Variants in ADAM11 observed in about 807,000 individuals in gnomAD.
The protein encoded by ADAM11 is disintegrin and metalloproteinase domain-containing protein 11.
In ADAM11, 49 loss-of-function variants were observed where a neutral mutation model predicts 119.1. The ratio of observed to expected loss-of-function variants is 0.41; its 90% CI spans 0.33 to 0.52. The LOEUF (loss-of-function observed/expected upper bound fraction) is 0.52. ADAM11 is among the 20% of genes least tolerant of loss of function. The pLI is 0.20. For synonymous variants in ADAM11, 364 were observed against 408.0 expected (o/e 0.89, Z 1.30); for missense variants, 777 against 1,047.5 (o/e 0.74, Z 3.56).
intron 2 of ADAM11, among the ~76,000 whole-genome samples, chr17:44,761,272 G>T (rs559317404): frequency 6.6e-6 from 1 of 152,144 alleles, no homozygotes; most frequent in African/African-American, 2.4e-5. Flanking sequence ...GGATGTCACC[G>T]CAGGGAAAGG....
At position 44,775,719 on chromosome 17, in the gene ADAM11, A is replaced by G; in HGVS notation, c.1485+43A>G. The G allele has an allele frequency of 6.5e-7, 1 of 1,532,604 alleles. No homozygotes were observed. The highest frequency in any genetic ancestry group is 8.8e-7 in the Non-Finnish European group (1 of 1,140,704). The allele number at this position is 1,532,604 out of a possible 1,614,324, so 94.9% of individuals were successfully genotyped here. On this transcript the variant is annotated intron_variant, in intron 17 of 26. Transcript: ENST00000200557. The surrounding 1 kb of genome is among the most constrained non-coding windows in gnomAD (Gnocchi z 7.5). Reference sequence around the variant, plus strand: ...GGAGGCGGGGCCAGGACGCAGGAGGAGCGATTGGAGGCCTTCATATAAGGG... The same window carrying G: ...GGAGGCGGGGCCAGGACGCAGGAGGGGCGATTGGAGGCCTTCATATAAGGG...
chr17:44,762,795 G>A (rs1343542443), intron 2 of ADAM11, among the ~76,000 whole-genome samples: 3 of 152,076 alleles, frequency 2.0e-5, no homozygotes, highest in African/African-American at 7.2e-5. Context: ...GCTTGACAGG[G>A]GCAAGGGTGG....
At chr17:44,768,413 C>A (rs2049477845) in intron 2 of ADAM11, among the ~76,000 whole-genome samples, 1 of 152,210 alleles carries the variant, frequency 6.6e-6, no homozygotes, top group African/African-American at 2.4e-5. Context: ...TCTCCCAGGA[C>A]CTCTCATGGA....
intron 2 of ADAM11, among the ~76,000 whole-genome samples, chr17:44,764,075 G>A (rs540417542): frequency 6.6e-6 from 1 of 152,268 alleles, no homozygotes; most frequent in East Asian, 1.9e-4. Context: ...CTGCCCCTGG[G>A]GAGACCCAGA....
At chr17:44,765,229 G>A (rs144500548) in intron 2 of ADAM11, among the ~76,000 whole-genome samples, 2,721 of 141,132 alleles carry the variant, frequency 0.019, 95 homozygotes, top group African/African-American at 0.067. Context: ...TGGGTGGGTG[G>A]GTGGGGGGTT....
chr17:44,771,843 A>G lies in ADAM11; in HGVS notation c.543+12A>G. 6.3e-7 allele frequency: 1 copy of G among 1,598,654 alleles called. No homozygotes were observed. The highest frequency in any genetic ancestry group is 8.6e-7 in the Non-Finnish European group (1 of 1,169,078). ...GGGGAGCCCCTCAGGTAAGCCCCAC[A>G]CAACCCCTTGCCATCCTCTCTGGTG... is the stretch of plus-strand genomic sequence containing the variant. On this transcript the variant is annotated intron_variant, in intron 6 of 26. Transcript: ENST00000200557.
chr17:44,768,018 A>G (rs1431599504), intron 2 of ADAM11, among the ~76,000 whole-genome samples: 1 of 152,162 alleles, frequency 6.6e-6, no homozygotes, highest in African/African-American at 2.4e-5. Context: ...GACCATTTTC[A>G]GTGGGAAAAT....
At chr17:44,779,269 G>A (rs754536431) in intron 26 of ADAM11, 30 bp downstream of exon 26, 1 of 1,560,800 alleles carries the variant, frequency 6.4e-7, no homozygotes, top group South Asian at 1.2e-5. Flanking sequence ...GGGGCAGTGT[G>A]ATGCCGGCCA....
intron 1 of ADAM11, 160 bp downstream of exon 1, chr17:44,759,420 C>T (rs1375914172): frequency 3.2e-6 from 4 of 1,252,792 alleles, no homozygotes; most frequent in Non-Finnish European, 4.0e-6. Context: ...GGTGCGTCCA[C>T]CCACCTGTCC....
chr17:44,779,993 C>T lies in ADAM11; in HGVS notation c.*239C>T. 1.4e-6 allele frequency: 1 copy of T among 708,480 alleles called. No individual in the cohort carries two copies. The highest frequency in any genetic ancestry group is 2.6e-6 in the Non-Finnish European group (1 of 391,128). 43.9% of individuals were successfully genotyped at this position (708,480 alleles called of 1,614,324 possible). On this transcript the variant is annotated 3_prime_UTR_variant, in exon 27 of 27. Transcript: ENST00000200557. Reference sequence around the variant, plus strand: ...CCCCACCCACCTCCTGCGGCTCAGCCTTGCACACCCACTGCCCCGTGTGAA... The same window carrying T: ...CCCCACCCACCTCCTGCGGCTCAGCTTTGCACACCCACTGCCCCGTGTGAA...
chr17:44,759,745 G>A lies in ADAM11; in HGVS notation c.85G>A (p.Gly29Arg), dbSNP rs531659022. 4.5e-5 allele frequency: 60 copies of A among 1,326,160 alleles called. No individual in the cohort carries two copies. The South Asian group carries it at 1.1e-3, about 25-fold the overall frequency. 82.1% of individuals were successfully genotyped at this position (1,326,160 alleles called of 1,614,324 possible). A position where few individuals can be genotyped will look rare whatever the true frequency, so the allele number is the denominator to read the frequency against. Residue 29 changes from glycine to arginine, a missense_variant, in exon 2 of 27, where the codon GGA becomes AGA. Transcript: ENST00000200557. The part of the protein sequence containing the change: ...TPGLGTQGPA[G>R]ALRWGGLPQL... ...AGGTCTTGGGACCCAAGGTCCTGCT[G>A]GAGCTCTGCGATGGGGGGGCTTACC...
At chr17:44,764,648 G>A (rs1274122493) in intron 2 of ADAM11, among the ~76,000 whole-genome samples, 1 of 152,194 alleles carries the variant, frequency 6.6e-6, no homozygotes, top group Admixed American at 6.5e-5. Context: ...CACAGCCTTA[G>A]TGCAGGTCCT....
chr17:44,761,667 G>C (rs1383040204), intron 2 of ADAM11, among the ~76,000 whole-genome samples: 2 of 152,066 alleles, frequency 1.3e-5, no homozygotes, highest in Non-Finnish European at 2.9e-5. Flanking sequence ...CCCTCATGGC[G>C]ACCTCCTCAA....
chr17:44,780,357 T>C lies in ADAM11; in HGVS notation c.*603T>C. ...CCCGAAGTCCTGTCACTGAGCACAGTCAGGGGCTGGGCATCCCAGCTTGCC... is the reference window on the plus strand; with the variant it reads ...CCCGAAGTCCTGTCACTGAGCACAGCCAGGGGCTGGGCATCCCAGCTTGCC... On this transcript the variant is annotated 3_prime_UTR_variant, in exon 27 of 27. Coordinates refer to ENST00000200557, the MANE Select transcript of ADAM11 (RefSeq NM_002390.6). 1 of 346,154 alleles carries C rather than the reference T, an allele frequency of 2.9e-6. No homozygotes were observed. The highest frequency in any genetic ancestry group is 5.6e-6 in the Non-Finnish European group (1 of 179,200). 21.4% of individuals were successfully genotyped at this position (346,154 alleles called of 1,614,324 possible). A position where few individuals can be genotyped will look rare whatever the true frequency, so the allele number is the denominator to read the frequency against.
chr17:44,770,720 G>T lies in ADAM11; in HGVS notation c.381+672G>T, dbSNP rs1045504869. Reference sequence around the variant, plus strand: ...AGGGGCGAGTACATGATTAAATGAGGTAATATATGGTTAGTGCCAGAGCAG... The same window carrying T: ...AGGGGCGAGTACATGATTAAATGAGTTAATATATGGTTAGTGCCAGAGCAG... On this transcript the variant is annotated intron_variant, in intron 4 of 26. Transcript: ENST00000200557. Among the ~76,000 whole-genome samples the T allele has an allele frequency of 3.9e-5, 6 of 152,188 alleles. No homozygotes were observed. In the East Asian group the frequency reaches 1.2e-3, roughly 29 times the overall value.
At chr17:44,761,917 G>A (rs1363714688) in intron 2 of ADAM11, among the ~76,000 whole-genome samples, 1 of 152,086 alleles carries the variant, frequency 6.6e-6, no homozygotes, top group Non-Finnish European at 1.5e-5. Context: ...CCACCTCCCG[G>A]GTTCAAGCAA....
intron 2 of ADAM11, 48 bp downstream of exon 2, chr17:44,759,945 G>GC: frequency 8.0e-7 from 1 of 1,250,414 alleles, no homozygotes; most frequent in Non-Finnish European, 1.0e-6. Flanking sequence ...AGGCCTCAGA[G>GC]CCCCAGGAAG....
rs1567694262 is a variant in ADAM11, at chr17:44,775,549, C to T, written c.1393-35C>T. On this transcript the variant is annotated intron_variant, in intron 16 of 26. Transcript: ENST00000200557. The surrounding 1 kb of genome is among the most constrained non-coding windows in gnomAD (Gnocchi z 7.5). ...GCGTCTGAGTGGGAGGATTAGGGCT[C>T]GCCCGCCTCCTTCCCCTCCTCCCGC... The T allele has an allele frequency of 6.4e-7, 1 of 1,560,004 alleles. No individual in the cohort carries two copies. The highest frequency in any genetic ancestry group is 8.7e-7 in the Non-Finnish European group (1 of 1,155,786).
rs376425175 is a variant in ADAM11, at chr17:44,772,370, G to A, written c.611-29G>A. 7 of 1,579,720 alleles carry A rather than the reference G, an allele frequency of 4.4e-6. No individual in the cohort carries two copies. The highest frequency in any genetic ancestry group is 1.3e-5 in the African/African-American group (1 of 74,288). On this transcript the variant is annotated intron_variant, in intron 7 of 26. Coordinates refer to ENST00000200557, the MANE Select transcript of ADAM11 (RefSeq NM_002390.6). The surrounding 1 kb of genome is among the most constrained non-coding windows in gnomAD (Gnocchi z 4.5). ...AAGGGGGGGTGGGGAGGGGCCGGCT[G>A]TGCCCCCCTCACCTGCCCCTCCCCA...
Sources: gnomAD v4.1 joint callset for allele counts (sites outside exome capture counted in the v4.1 genomes callset) on GRCh38, gnomAD v4.1.1 for gene constraint, Gnocchi (gnomAD v3.1) non-coding constraint, MANE v1.5 for transcripts, NCBI Gene and HGNC (gene_info 2026-07-23, HGNC 2026-07-21) for gene names.